Variants in HEG1 observed in about 807,000 individuals in gnomAD.
HEG1 encodes the protein heart development protein with EGF like domains 1, also known as protein HEG homolog 1.
A neutral mutation model predicts 125.6 loss-of-function variants in HEG1; 56 were observed. That is an observed-to-expected ratio of 0.45 (90% CI 0.36 to 0.56). HEG1 has a LOEUF of 0.56. HEG1 is among the 20% of genes least tolerant of loss of function. The pLI, the probability that HEG1 is intolerant of heterozygous loss-of-function variation, is 0.00. For synonymous variants in HEG1, 644 were observed against 668.5 expected, an observed-to-expected ratio of 0.96 and a Z score of 0.57; for missense variants, 1,523 against 1,670.0, an observed-to-expected ratio of 0.91 and a Z score of 1.53.
intron 5 of HEG1, among the ~76,000 whole-genome samples, chr3:125,018,311 A>C (rs1279834784): frequency 6.6e-6 from 1 of 152,230 alleles, no homozygotes; most frequent in Non-Finnish European, 1.5e-5. Context: ...GGAAATGTCT[A>C]AAATGGACAA....
intron 3 of HEG1, among the ~76,000 whole-genome samples, chr3:125,021,941 G>A (rs936113362): frequency 2.0e-5 from 3 of 152,212 alleles, no homozygotes; most frequent in African/African-American, 7.2e-5. Context: ...AGGACTCCAG[G>A]AGCATTTGCT....
At chr3:124,999,668 C>T (rs1437289530) in intron 11 of HEG1, among the ~76,000 whole-genome samples, 3 of 152,216 alleles carry the variant, frequency 2.0e-5, no homozygotes. Context: ...GAGTTGCTAC[C>T]CTACAAATTC....
At chr3:125,004,125 A>C (rs184643098) in intron 9 of HEG1, among the ~76,000 whole-genome samples, 6 of 152,332 alleles carry the variant, frequency 3.9e-5, no homozygotes, top group Non-Finnish European at 7.3e-5. Context: ...AATGCCTGTT[A>C]CAGGAGTGCG....
At chr3:125,043,503 AG>A (rs1353143933) in intron 1 of HEG1, among the ~76,000 whole-genome samples, 2 of 152,182 alleles carry the variant, frequency 1.3e-5, no homozygotes, top group African/African-American at 4.8e-5. Context: ...GTGAACAAAA[AG>A]GCTTTCTGCA....
intron 6 of HEG1, among the ~76,000 whole-genome samples, chr3:125,012,006 G>T (rs1937163403): frequency 6.6e-6 from 1 of 152,168 alleles, no homozygotes; most frequent in Admixed American, 6.5e-5. Flanking sequence ...CGGTCACTGT[G>T]GGAAAAGGTT....
intron 1 of HEG1, among the ~76,000 whole-genome samples, chr3:125,039,078 C>T (rs1937571477): frequency 6.6e-6 from 1 of 152,186 alleles, no homozygotes; most frequent in Non-Finnish European, 1.5e-5. Flanking sequence ...AAATACCATC[C>T]TTCCCTCTGT....
At chr3:124,982,398 G>A (rs902254009) in intron 14 of HEG1, among the ~76,000 whole-genome samples, 2 of 152,214 alleles carry the variant, frequency 1.3e-5, no homozygotes, top group African/African-American at 4.8e-5. Flanking sequence ...AGCTTTAGAG[G>A]TGCTCTGAAT....
At position 124,977,972 on chromosome 3, in the gene HEG1, A is replaced by C. The variant is rs781383463; in HGVS notation, c.3734-26T>G. The C allele has an allele frequency of 1.3e-5, 19 of 1,511,554 alleles. 2 individuals carry two copies. In the South Asian group the frequency reaches 2.3e-4, roughly 18 times the overall value. The allele number at this position is 1,511,554 out of a possible 1,614,324, so 93.6% of individuals were successfully genotyped here. ...CTAAACGTAAAACAAACAAAAAAGCATATTGGCTGGAGGTAATGAAGGAAT... is the reference window on the plus strand; with the variant it reads ...CTAAACGTAAAACAAACAAAAAAGCCTATTGGCTGGAGGTAATGAAGGAAT... On this transcript the variant is annotated intron_variant, in intron 14 of 16. Coordinates refer to ENST00000311127, the MANE Select transcript of HEG1 (RefSeq NM_020733.2).
chr3:124,985,055 T>C (rs1208152287), intron 14 of HEG1, among the ~76,000 whole-genome samples: 2 of 152,208 alleles, frequency 1.3e-5, no homozygotes, highest in Admixed American at 1.3e-4. Flanking sequence ...TACACATATA[T>C]ATCTCTGGAA....
In HEG1 at chr3:124,973,901, T is replaced by G. The variant is rs1350816952; in HGVS notation, c.3826A>C (p.Asn1276His). Residue 1276 changes from asparagine to histidine, a missense_variant, in exon 16 of 17, where the codon AAT becomes CAT. Coordinates refer to ENST00000311127, the MANE Select transcript of HEG1 (RefSeq NM_020733.2). ...ATGAGTTTGCTTATGTCATTTTTAT[T>G]CTTTCTGTGGGATACAAAAATATTT... ...IALIVTCCRK[N>H]KNDISKLIFK... 2 of 1,608,734 alleles carry G rather than the reference T, an allele frequency of 1.2e-6. No individual in the cohort carries two copies. The highest frequency in any genetic ancestry group is 4.5e-5 in the East Asian group (2 of 44,834).
chr3:125,022,653 T>C (rs2948790), intron 3 of HEG1, among the ~76,000 whole-genome samples: 73,254 of 146,336 alleles, frequency 0.5, 18,334 homozygotes, highest in Middle Eastern at 0.66. Context: ...TAAACCAAAC[T>C]AAACAAAACA....
intron 9 of HEG1, among the ~76,000 whole-genome samples, chr3:125,003,651 C>G (rs1361413780): frequency 6.6e-6 from 1 of 152,162 alleles, no homozygotes; most frequent in Non-Finnish European, 1.5e-5. Flanking sequence ...TCAGCTCAAC[C>G]TCTAGAGGGG....
rs188087854 is a variant in HEG1, at chr3:125,048,623, G to A, written c.316+6952C>T. Among the ~76,000 whole-genome samples, 12 of 152,360 alleles carry A rather than the reference G, an allele frequency of 7.9e-5. No homozygotes were observed. The East Asian group carries it at 2.3e-3, about 29-fold the overall frequency. On this transcript the variant is annotated intron_variant, in intron 1 of 16. Coordinates refer to ENST00000311127, the MANE Select transcript of HEG1 (RefSeq NM_020733.2). ...TGAGAGAGGTGGCCAGTCAGATCCT[G>A]CAGGCCTCATATTCCAATTTAGGGG...
chr3:125,034,744 G>A (rs1015287261), intron 1 of HEG1, among the ~76,000 whole-genome samples: 6 of 152,112 alleles, frequency 3.9e-5, no homozygotes, highest in African/African-American at 1.2e-4. Flanking sequence ...AGGTTGCAGT[G>A]AGCTGTGATT....
intron 1 of HEG1, among the ~76,000 whole-genome samples, chr3:125,035,597 G>A (rs536852947): frequency 2.6e-4 from 40 of 152,132 alleles, no homozygotes; most frequent in Non-Finnish European, 3.7e-4. Flanking sequence ...ATAAAAACAC[G>A]TTCAGTCAAA....
intron 16 of HEG1, among the ~76,000 whole-genome samples, chr3:124,972,987 G>GT (rs1003587023): frequency 1.3e-5 from 2 of 150,598 alleles, no homozygotes; most frequent in African/African-American, 2.4e-5. Context: ...CCCCTAGTTG[G>GT]TTTTTTTGTT....
intron 1 of HEG1, among the ~76,000 whole-genome samples, chr3:125,030,082 T>C (rs540011766): frequency 1.3e-5 from 2 of 152,156 alleles, no homozygotes; most frequent in Non-Finnish European, 2.9e-5. Context: ...CTGGCACCTG[T>C]GCAGGGTCAG....
Position 125,016,243 on chromosome 3 carries a change from C to T in HEG1, c.1589-2253G>A, listed in dbSNP as rs559051718. Among the ~76,000 whole-genome samples the T allele has an allele frequency of 8.5e-5, 13 of 152,110 alleles. No homozygotes were observed. In the East Asian group the frequency reaches 1.2e-3, roughly 14 times the overall value. On this transcript the variant is annotated intron_variant, in intron 5 of 16. Transcript: ENST00000311127. ...GAGACTCTGAATGCAGAAAAGGGAG[C>T]GGGCCAAGAACTCTAAAAGGCCGGA...
intron 5 of HEG1, among the ~76,000 whole-genome samples, chr3:125,017,837 G>A (rs913918580): frequency 3.3e-5 from 5 of 151,398 alleles, no homozygotes; most frequent in South Asian, 2.1e-4. Context: ...TGGCTAACAT[G>A]GTGAAACCCT....
Sources: allele counts gnomAD v4.1 joint callset (sites outside exome capture counted in the v4.1 genomes callset), GRCh38; gene constraint gnomAD v4.1.1; transcripts MANE v1.5; gene names NCBI Gene and HGNC (gene_info 2026-07-23, HGNC 2026-07-21).